AHI1: variants seen among roughly 807,000 people sequenced by gnomAD.
AHI1 encodes jouberin.
In AHI1, 123 loss-of-function variants were observed where a neutral mutation model predicts 149.3. The observed-to-expected ratio is 0.82, with a 90% CI of 0.71 to 0.96. The LOEUF is 0.96. Among genes scored for constraint, AHI1 ranks in the 40% least tolerant of loss-of-function variants. The probability of loss-of-function intolerance (pLI) is 0.00; values close to 1 mark genes in which losing one functional copy is unlikely to be tolerated. For missense variants in AHI1, 1,439 were observed against 1,422.7 expected (o/e 1.01, Z -0.18); for synonymous variants, 475 against 459.8 (o/e 1.03, Z -0.42).
At chr6:135,316,785 G>C (rs1457478816) in intron 26 of AHI1, among the ~76,000 whole-genome samples, 1 of 151,944 alleles carries the variant, frequency 6.6e-6, no homozygotes, top group Non-Finnish European at 1.5e-5. Flanking sequence ...TGATTTTGAA[G>C]CTCTACATTC....
chr6:135,449,631 GAGTGCAGGGA>G (rs1474415627), intron 11 of AHI1, among the ~76,000 whole-genome samples: 16 of 152,136 alleles, frequency 1.1e-4, no homozygotes, highest in African/African-American at 3.4e-4. Context: ...AATAGGCACT[GAGTGCAGGGA>G]ACACATTTAA....
At chr6:135,388,018 T>C in intron 23 of AHI1, 1 of 1,613,810 alleles carries the variant, frequency 6.2e-7, no homozygotes, top group African/African-American at 1.3e-5. Flanking sequence ...TGTGTTGAAT[T>C]CAGCAAAGTG....
At chr6:135,364,215 C>CA (rs1562585396) in intron 23 of AHI1, among the ~76,000 whole-genome samples, 1 of 150,402 alleles carries the variant, frequency 6.6e-6, no homozygotes, top group African/African-American at 2.5e-5. Context: ...ACTTCTCAGA[C>CA]GGGGCGTCCG....
At chr6:135,383,521 T>G (rs118023536) in intron 23 of AHI1, among the ~76,000 whole-genome samples, 1,805 of 152,226 alleles carry the variant, frequency 0.012, 24 homozygotes, top group Non-Finnish European at 0.02. Context: ...GAATATGAGA[T>G]GGTGTGAACC....
chr6:135,313,747 A>C (rs1455245738), intron 26 of AHI1, among the ~76,000 whole-genome samples: 1 of 152,232 alleles, frequency 6.6e-6, no homozygotes, highest in African/African-American at 2.4e-5. Context: ...CCCTATCCAT[A>C]AGAACACAGG....
intron 14 of AHI1, among the ~76,000 whole-genome samples, chr6:135,441,992 T>G (rs1053593901): frequency 6.6e-6 from 1 of 152,160 alleles, no homozygotes; most frequent in African/African-American, 2.4e-5. Flanking sequence ...TGGCTACTTC[T>G]GCAGAGGAGA....
At position 135,488,362 on chromosome 6, in the gene AHI1, G is replaced by A. The variant is rs1006707399; in HGVS notation, c.135+2261C>T. Among the ~76,000 whole-genome samples the A allele has an allele frequency of 9.2e-5, 14 of 151,984 alleles. No individual in the cohort carries two copies. The East Asian group carries it at 2.5e-3, about 27-fold the overall frequency. ...AGTTTTGGTCATTTCTTCCCACCTC[G>A]AATTTGTCTCCCACTTCACTGATTA... On this transcript the variant is annotated intron_variant, in intron 5 of 28. Coordinates refer to ENST00000265602, the MANE Select transcript of AHI1 (RefSeq NM_001134831.2).
chr6:135,490,518 T>G, intron 5 of AHI1, 105 bp downstream of exon 5: 1 of 1,333,676 alleles, frequency 7.5e-7, no homozygotes, highest in Admixed American at 1.8e-5. Flanking sequence ...ATAGTGTTAC[T>G]GTTTTTAATT....
chr6:135,468,547 T>C (rs1791182669), intron 5 of AHI1, among the ~76,000 whole-genome samples: 1 of 151,872 alleles, frequency 6.6e-6, no homozygotes, highest in African/African-American at 2.4e-5. Context: ...CTATCAAAAA[T>C]ACAAAAATTA....
rs146383355 is a variant in AHI1, at chr6:135,401,512, T to C, written c.2988+3439A>G. Among the ~76,000 whole-genome samples the C allele has an allele frequency of 3.4e-4, 52 of 152,334 alleles. 1 individual carries two copies. Among genetic ancestry groups the C allele is most frequent in the Admixed American group, 2.3e-3 (35 of 15,290 alleles). On this transcript the variant is annotated intron_variant, in intron 22 of 28. Coordinates refer to ENST00000265602, the MANE Select transcript of AHI1 (RefSeq NM_001134831.2). ...GAAAAATTTATTATCCTAGATCTAA[T>C]AGATGATAAACTGCATAAATACACT... is the stretch of plus-strand genomic sequence containing the variant.
At chr6:135,285,785 TA>T in intron 28 of AHI1, 138 bp from the exon 29 acceptor site, 1 of 683,178 alleles carries the variant, frequency 1.5e-6, no homozygotes, top group Non-Finnish European at 2.5e-6. Flanking sequence ...CAAACACAAC[TA>T]AAAAAGACCA....
At chr6:135,287,048 T>C (rs1167075535) in intron 28 of AHI1, among the ~76,000 whole-genome samples, 2 of 152,130 alleles carry the variant, frequency 1.3e-5, no homozygotes, top group African/African-American at 4.8e-5. Flanking sequence ...TAAAGGATCT[T>C]ACAGGAAGAA....
chr6:135,349,322 T>G (rs948593908), intron 24 of AHI1, among the ~76,000 whole-genome samples: 1 of 152,074 alleles, frequency 6.6e-6, no homozygotes, highest in East Asian at 1.9e-4. Context: ...ATTTATGAAA[T>G]GAAGAAAAAA....
intron 18 of AHI1, 58 bp from the exon 19 acceptor site, chr6:135,428,817 G>A: frequency 6.9e-7 from 1 of 1,442,638 alleles, no homozygotes; most frequent in Non-Finnish European, 9.3e-7. Flanking sequence ...ATGACTGGTG[G>A]TATAAAATCT....
intron 5 of AHI1, among the ~76,000 whole-genome samples, chr6:135,486,267 G>A (rs374526282): frequency 3.3e-5 from 5 of 152,002 alleles, no homozygotes; most frequent in South Asian, 2.1e-4. Context: ...GAAAACTATC[G>A]AAATCATACA....
chr6:135,410,428 A>G (rs1781422325), intron 21 of AHI1, among the ~76,000 whole-genome samples: 1 of 152,204 alleles, frequency 6.6e-6, no homozygotes, highest in South Asian at 2.1e-4. Context: ...GAGGAAAACT[A>G]GGTTTACTTA....
intron 12 of AHI1, among the ~76,000 whole-genome samples, 152 bp from the exon 13 acceptor site, chr6:135,447,312 T>C (rs1787396471): frequency 6.6e-6 from 1 of 152,130 alleles, no homozygotes. Flanking sequence ...TACATTATTC[T>C]AAATAAAATA....
chr6:135,406,244 C>T (rs1780780634), intron 21 of AHI1, among the ~76,000 whole-genome samples: 1 of 152,164 alleles, frequency 6.6e-6, no homozygotes, highest in Admixed American at 6.5e-5. Flanking sequence ...ATCAGTGCAT[C>T]CACAGTTGCT....
rs528590186 is a variant in AHI1, at chr6:135,421,523, T to C, written c.2764+5644A>G. ...GCAGAACAAAACAAGTGCAGAAAGGTAAATTATTTGATCAGGGTCAAATAC... is the reference window on the plus strand; with the variant it reads ...GCAGAACAAAACAAGTGCAGAAAGGCAAATTATTTGATCAGGGTCAAATAC... On this transcript the variant is annotated intron_variant, in intron 20 of 28. Coordinates refer to ENST00000265602, the MANE Select transcript of AHI1 (RefSeq NM_001134831.2). 4.6e-5 allele frequency among the ~76,000 whole-genome samples: 7 copies of C among 152,232 alleles called. No homozygotes were observed. The South Asian group carries it at 1.5e-3, about 32-fold the overall frequency.
Sources: allele counts gnomAD v4.1 joint callset (sites outside exome capture counted in the v4.1 genomes callset), GRCh38; gene constraint gnomAD v4.1.1; transcripts MANE v1.5; gene names NCBI Gene and HGNC (gene_info 2026-07-23, HGNC 2026-07-21).